ZNF521: variants seen among roughly 807,000 people sequenced by gnomAD.
ZNF521 encodes LYST-interacting protein 3.
ZNF521 carries 14 observed loss-of-function variants against 105.5 expected under a neutral mutation model. That is an observed-to-expected ratio of 0.13 (90% CI 0.09 to 0.21). The LOEUF (loss-of-function observed/expected upper bound fraction) is 0.21. Ranked by LOEUF, ZNF521 falls within the 10% of genes least tolerant of loss-of-function variation. ZNF521 has a pLI of 1.00. For synonymous variants in ZNF521, 635 were observed against 606.0 expected (o/e 1.05, Z -0.70); for missense variants, 1,233 against 1,629.7 (o/e 0.76, Z 4.19).
chr18:25,112,937 C>A (rs2034222191), intron 5 of ZNF521, among the ~76,000 whole-genome samples: 1 of 152,060 alleles, frequency 6.6e-6, no homozygotes, highest in African/African-American at 2.4e-5. Context: ...AGCATATAAA[C>A]TCCCCTATTA....
chr18:25,307,794 G>C (rs1361678717), intron 3 of ZNF521, among the ~76,000 whole-genome samples: 4 of 152,124 alleles, frequency 2.6e-5, no homozygotes, highest in Admixed American at 2.6e-4. Context: ...CTCTCTCAGA[G>C]TACTTATTCT....
intron 3 of ZNF521, among the ~76,000 whole-genome samples, chr18:25,261,870 C>T (rs1488933749): frequency 1.3e-5 from 2 of 152,176 alleles, no homozygotes; most frequent in Non-Finnish European, 2.9e-5. Flanking sequence ...TACCCACCCC[C>T]TGCTGTGCGG....
intron 3 of ZNF521, among the ~76,000 whole-genome samples, chr18:25,299,039 G>A (rs950472745): frequency 1.3e-5 from 2 of 152,130 alleles, no homozygotes; most frequent in African/African-American, 2.4e-5. Flanking sequence ...CACTTCCCAC[G>A]TGGAAATCCA....
chr18:25,194,887 T>C (rs1309455589), intron 5 of ZNF521, among the ~76,000 whole-genome samples: 2 of 151,748 alleles, frequency 1.3e-5, no homozygotes, highest in African/African-American at 2.4e-5. Context: ...TTTTCAATAA[T>C]GCAAAAATGA....
At chr18:25,214,377 A>G (rs2036244642) in intron 4 of ZNF521, among the ~76,000 whole-genome samples, 1 of 152,038 alleles carries the variant, frequency 6.6e-6, no homozygotes, top group South Asian at 2.1e-4. Flanking sequence ...GATTCATCTC[A>G]CCAGAAGTCT....
At chr18:25,320,027 G>A (rs1382036765) in intron 3 of ZNF521, among the ~76,000 whole-genome samples, 2 of 152,150 alleles carry the variant, frequency 1.3e-5, no homozygotes, top group Non-Finnish European at 2.9e-5. Context: ...GTTAAAGGAG[G>A]TAAAAGAGAT....
At position 25,152,925 on chromosome 18, in the gene ZNF521, C is replaced by T. The variant is rs565199216; in HGVS notation, c.3658+42235G>A. ...TCTACAAGAGTCTTGGGGATGGCCA[C>T]GATGGGATGGAAGTTACTCTTCCTG... is the stretch of plus-strand genomic sequence containing the variant. On this transcript the variant is annotated intron_variant, in intron 5 of 7. Coordinates refer to ENST00000361524, the MANE Select transcript of ZNF521 (RefSeq NM_015461.3). Among the ~76,000 whole-genome samples, 12 of 152,220 alleles carry T rather than the reference C, an allele frequency of 7.9e-5. No homozygotes were observed. The East Asian group carries it at 1.7e-3, about 22-fold the overall frequency.
intron 5 of ZNF521, among the ~76,000 whole-genome samples, chr18:25,153,608 G>A (rs893238932): frequency 6.6e-6 from 1 of 152,156 alleles, no homozygotes; most frequent in Admixed American, 6.6e-5. Flanking sequence ...ACAGCATCTG[G>A]GAAACTGCAC....
At chr18:25,063,761 C>G (rs1036843395) in intron 7 of ZNF521, among the ~76,000 whole-genome samples, 1 of 152,124 alleles carries the variant, frequency 6.6e-6, no homozygotes, top group Non-Finnish European at 1.5e-5. Flanking sequence ...GGCCTGATCT[C>G]CACTCTCCTC....
intron 5 of ZNF521, among the ~76,000 whole-genome samples, chr18:25,161,291 C>A (rs1402931117): frequency 1.3e-5 from 2 of 152,070 alleles, no homozygotes; most frequent in Non-Finnish European, 2.9e-5. Flanking sequence ...TTTCCTTCAA[C>A]ATGAAGGATT....
intron 2 of ZNF521, among the ~76,000 whole-genome samples, chr18:25,348,795 T>C (rs897736724): frequency 2.6e-5 from 4 of 152,236 alleles, no homozygotes; most frequent in African/African-American, 9.6e-5. Flanking sequence ...TGCCATTTTT[T>C]GCTTATTAAC....
intron 3 of ZNF521, among the ~76,000 whole-genome samples, chr18:25,292,050 G>A (rs1047356657): frequency 6.6e-6 from 1 of 152,066 alleles, no homozygotes; most frequent in Non-Finnish European, 1.5e-5. Flanking sequence ...AAAAGGAGGG[G>A]AATAAAAAGA....
chr18:25,107,280 TA>T, intron 5 of ZNF521, among the ~76,000 whole-genome samples: 1 of 152,380 alleles, frequency 6.6e-6, no homozygotes, highest in Middle Eastern at 3.4e-3. Context: ...AAATGTGAGT[TA>T]TTCTTGTTAT....
At chr18:25,329,426 G>A (rs552157276) in intron 2 of ZNF521, among the ~76,000 whole-genome samples, 15 of 152,296 alleles carry the variant, frequency 9.8e-5, no homozygotes, top group African/African-American at 3.6e-4. Context: ...CATCTAAATC[G>A]GGGCAGGGAA....
chr18:25,285,612 G>T (rs921712186), intron 3 of ZNF521, among the ~76,000 whole-genome samples: 1 of 151,898 alleles, frequency 6.6e-6, no homozygotes, highest in African/African-American at 2.4e-5. Context: ...CTTGGCAAAA[G>T]ACAACCACCC....
At chr18:25,252,281 A>C (rs1486234665) in intron 3 of ZNF521, among the ~76,000 whole-genome samples, 1 of 152,200 alleles carries the variant, frequency 6.6e-6, no homozygotes, top group East Asian at 1.9e-4. Flanking sequence ...GAAATAAAAA[A>C]GCCCAGTCTT....
At chr18:25,134,014 T>C (rs1263892759) in intron 5 of ZNF521, among the ~76,000 whole-genome samples, 1 of 152,112 alleles carries the variant, frequency 6.6e-6, no homozygotes, top group Non-Finnish European at 1.5e-5. Flanking sequence ...AGTAATGACA[T>C]TTAATCAGGA....
At chr18:25,123,892 C>A (rs78184816) in intron 5 of ZNF521, among the ~76,000 whole-genome samples, 7 of 152,110 alleles carry the variant, frequency 4.6e-5, no homozygotes, top group Admixed American at 6.6e-5. Flanking sequence ...CCTTCTTTAA[C>A]CTTTTTGATA....
intron 3 of ZNF521, among the ~76,000 whole-genome samples, chr18:25,286,569 C>T (rs1356325619): frequency 6.6e-6 from 1 of 152,092 alleles, no homozygotes; most frequent in Non-Finnish European, 1.5e-5. Flanking sequence ...TAAAGAAAAA[C>T]AAATGTTGAG....
Sources: gnomAD v4.1 joint callset for allele counts (sites outside exome capture counted in the v4.1 genomes callset) on GRCh38, gnomAD v4.1.1 for gene constraint, MANE v1.5 for transcripts, NCBI Gene and HGNC (gene_info 2026-07-23, HGNC 2026-07-21) for gene names.